The following GLUD1 variants were observed in gnomAD, a reference collection of about 807,000 sequenced individuals.
GLUD1 encodes glutamate dehydrogenase 1.
Under a neutral mutation model 56.0 loss-of-function variants are expected in GLUD1, and 22 were observed. The ratio of observed to expected loss-of-function variants is 0.39; its 90% CI spans 0.28 to 0.56. GLUD1 has a LOEUF of 0.56. Among genes scored for constraint, GLUD1 ranks in the 20% least tolerant of loss-of-function variants. The pLI is 0.58. For synonymous variants in GLUD1, 223 were observed against 269.9 expected, an observed-to-expected ratio of 0.83 and a Z score of 1.70; for missense variants, 451 against 732.0, an observed-to-expected ratio of 0.62 and a Z score of 4.43.
chr10:87,061,412 G>T (rs1161832965), intron 6 of GLUD1, among the ~76,000 whole-genome samples: 1 of 151,962 alleles, frequency 6.6e-6, no homozygotes, highest in African/African-American at 2.4e-5. Flanking sequence ...CAGCTACTTG[G>T]GAGAATGAGG....
intron 4 of GLUD1, among the ~76,000 whole-genome samples, chr10:87,068,564 T>C (rs1280122847): frequency 6.6e-6 from 1 of 152,154 alleles, no homozygotes; most frequent in East Asian, 1.9e-4. Flanking sequence ...GGAGTTGACA[T>C]GTATGAGATA....
At chr10:87,052,546 T>G in intron 12 of GLUD1, among the ~76,000 whole-genome samples, 1 of 151,810 alleles carries the variant, frequency 6.6e-6, no homozygotes. Flanking sequence ...GGCTCATGCC[T>G]GTAATCCCAG....
At chr10:87,057,431 A>G (rs548114658) in intron 11 of GLUD1, among the ~76,000 whole-genome samples, 2 of 152,248 alleles carry the variant, frequency 1.3e-5, no homozygotes, top group South Asian at 2.1e-4. Flanking sequence ...TAATTAAAAT[A>G]CATAATAATC....
chr10:87,089,516 G>T, intron 1 of GLUD1: 1 of 604,474 alleles, frequency 1.7e-6, no homozygotes, highest in Non-Finnish European at 2.1e-6. Context: ...TAAAATGCCT[G>T]GCACACACAG....
chr10:87,076,621 C>T lies in GLUD1; in HGVS notation c.481G>A (p.Val161Ile), dbSNP rs780294683. Residue 161 changes from valine (V) to isoleucine (I), a missense_variant, in exon 2 of 13, where the codon GTA (valine) becomes ATA (isoleucine). By Grantham distance (29) the Val-to-Ile change is conservative (BLOSUM62 3). This residue lies in a region of GLUD1 where 248 missense variants were observed against 460.0 expected (regional missense o/e 0.54). Transcript: ENST00000277865. ...GTCATCAGAGAAGCCAAAGCTTTTA[C>T]TTCATCTACACTCACATCAGTGCTG... is the stretch of plus-strand genomic sequence containing the variant. Reference protein sequence around the residue: ...RYSTDVSVDEVKALASLMTYK... With the variant: ...RYSTDVSVDEIKALASLMTYK... The T allele has an allele frequency of 1.2e-6, 2 of 1,609,608 alleles. No individual in the cohort carries two copies. The highest frequency in any genetic ancestry group is 2.2e-5 in the South Asian group (2 of 90,994).
intron 12 of GLUD1, among the ~76,000 whole-genome samples, chr10:87,052,668 T>TAAAAAAAA (rs1285140190): frequency 0.053 from 870 of 16,532 alleles, 42 homozygotes; most frequent in Middle Eastern, 0.095. Flanking sequence ...AAACTCCGTC[T>TAAAAAAAA]CAAAAAAAAA....
intron 4 of GLUD1, among the ~76,000 whole-genome samples, chr10:87,072,857 T>A (rs188180459): frequency 1.3e-3 from 191 of 152,332 alleles, no homozygotes; most frequent in Middle Eastern, 0.01. Flanking sequence ...AGGCTGAAGA[T>A]GACTTCAATT....
chr10:87,074,469 C>G, intron 4 of GLUD1, 82 bp downstream of exon 4: 1 of 796,050 alleles, frequency 1.3e-6, no homozygotes. Context: ...GTCTGGGCAA[C>G]AGAGTGAGAC....
Position 87,094,745 on chromosome 10 carries a change from G to T in GLUD1, c.25C>A (p.Leu9Met). 6.5e-7 allele frequency: 1 copy of T among 1,532,994 alleles called. No homozygotes were observed. 95.0% of individuals were successfully genotyped at this position (1,532,994 alleles called of 1,614,324 possible). A position where few individuals can be genotyped will look rare whatever the true frequency, so the allele number is the denominator to read the frequency against. The change falls in exon 1 of 13, where the codon CTG (leucine) becomes ATG (methionine). Residue 9 changes from leucine to methionine, a missense_variant. Around this residue, in one of 4 missense-constraint regions of GLUD1, gnomAD observed 158 missense variants for 189.7 expected, o/e 0.83. Transcript: ENST00000277865. This position sits in a 1 kb window ranked among gnomAD's most constrained non-coding sequence, Gnocchi z 6.6. ...GCGGGCCCGGCCCGGGACAGCAACA[G>T]CGCTTCGCCCAGGTAGCGGTACATG... Reference protein sequence around the residue: MYRYLGEALLLSRAGPAAL... With the variant: MYRYLGEAMLLSRAGPAAL...
intron 10 of GLUD1, among the ~76,000 whole-genome samples, chr10:87,058,348 A>G (rs1357786115): frequency 2.0e-5 from 3 of 152,188 alleles, no homozygotes; most frequent in Non-Finnish European, 1.5e-5. Flanking sequence ...GGAAAAAGAA[A>G]AGGAAATAGA....
chr10:87,066,298 T>C (rs1846073572), intron 5 of GLUD1, among the ~76,000 whole-genome samples: 1 of 152,184 alleles, frequency 6.6e-6, no homozygotes, highest in Non-Finnish European at 1.5e-5. Flanking sequence ...AGTAGTCTCC[T>C]GCCCTCAAGT....
At chr10:87,087,936 C>G (rs549342785) in intron 1 of GLUD1, among the ~76,000 whole-genome samples, 1 of 152,236 alleles carries the variant, frequency 6.6e-6, no homozygotes, top group East Asian at 1.9e-4. Flanking sequence ...CAAAAATCAG[C>G]TAGGTGAGGT....
intron 4 of GLUD1, among the ~76,000 whole-genome samples, chr10:87,073,271 T>A (rs1420234882): frequency 6.6e-6 from 1 of 152,148 alleles, no homozygotes; most frequent in Non-Finnish European, 1.5e-5. Flanking sequence ...TAAGGGATCC[T>A]CCCATCTTAG....
intron 4 of GLUD1, among the ~76,000 whole-genome samples, chr10:87,073,857 G>A (rs1206603930): frequency 1.3e-5 from 2 of 151,898 alleles, no homozygotes; most frequent in Non-Finnish European, 2.9e-5. Context: ...ATCTGACCTC[G>A]TGATCCACCT....
chr10:87,092,582 A>G (rs924625623), intron 1 of GLUD1: 7 of 961,626 alleles, frequency 7.3e-6, no homozygotes, highest in Non-Finnish European at 4.9e-6. Context: ...GAGGACTCAC[A>G]AACTATGGTA....
At chr10:87,079,411 C>T (rs1437153912) in intron 1 of GLUD1, among the ~76,000 whole-genome samples, 1 of 150,800 alleles carries the variant, frequency 6.6e-6, no homozygotes, top group Non-Finnish European at 1.5e-5. Flanking sequence ...GCACTAAACC[C>T]CAGCAACAGA....
chr10:87,084,442 G>T (rs1841335188), intron 1 of GLUD1, among the ~76,000 whole-genome samples: 1 of 152,162 alleles, frequency 6.6e-6, no homozygotes, highest in Admixed American at 6.5e-5. Context: ...GCAGAAACTA[G>T]CTTAAGTTGC....
chr10:87,094,817 T>G lies in GLUD1; in HGVS notation c.-48A>C. ...CGTGATGGTCGCGAAACAGGCGCGCTTTCTCAGACTCCCCGCGACTAGGGA... is the reference window on the plus strand; with the variant it reads ...CGTGATGGTCGCGAAACAGGCGCGCGTTCTCAGACTCCCCGCGACTAGGGA... On this transcript the variant is annotated 5_prime_UTR_variant, in exon 1 of 13. Coordinates refer to ENST00000277865, the MANE Select transcript of GLUD1 (RefSeq NM_005271.5). This position sits in a 1 kb window ranked among gnomAD's most constrained non-coding sequence, Gnocchi z 6.6. 16 of 1,380,800 alleles carry G rather than the reference T, an allele frequency of 1.2e-5. No individual in the cohort carries two copies. Among genetic ancestry groups the G allele is most frequent in the Non-Finnish European group, 1.5e-5 (15 of 1,012,472 alleles). 85.5% of individuals were successfully genotyped at this position (1,380,800 alleles called of 1,614,324 possible). A position where few individuals can be genotyped will look rare whatever the true frequency, so the allele number is the denominator to read the frequency against.
At position 87,094,389 on chromosome 10, in the gene GLUD1, G is replaced by C; in HGVS notation, c.381C>G (p.Gly127=). The change falls in exon 1 of 13, where the codon GGC becomes GGG. Residue 127 remains glycine, a synonymous_variant. Coordinates refer to ENST00000277865, the MANE Select transcript of GLUD1 (RefSeq NM_005271.5). This position sits in a 1 kb window ranked among gnomAD's most constrained non-coding sequence, Gnocchi z 6.6. Reference sequence around the variant, plus strand: ...GGTAGCCTTCGATGACCTCCCAGGAGCCGTCGTCGCGCCGGATGGGGAAGG... The same window carrying C: ...GGTAGCCTTCGATGACCTCCCAGGACCCGTCGTCGCGCCGGATGGGGAAGG... The part of the protein sequence containing the change: ...SLSFPIRRDD[G]SWEVIEGYRA... 1.2e-6 allele frequency: 2 copies of C among 1,613,244 alleles called. No homozygotes were observed. Among genetic ancestry groups the C allele is most frequent in the African/African-American group, 1.3e-5 (1 of 75,030 alleles).
Sources: gnomAD v4.1 joint callset for allele counts (sites outside exome capture counted in the v4.1 genomes callset) on GRCh38, gnomAD v4.1.1 for gene constraint, gnomAD v4.1.1 regional missense constraint, Gnocchi (gnomAD v3.1) non-coding constraint, MANE v1.5 for transcripts, NCBI Gene and HGNC (gene_info 2026-07-23, HGNC 2026-07-21) for gene names.